Variants in ABI3BP observed in about 807,000 individuals in gnomAD.
ABI3BP encodes ABI family member 3 binding protein, also known as target of Nesh-SH3.
ABI3BP carries 216 observed loss-of-function variants against 268.6 expected under a neutral mutation model. That is an observed-to-expected ratio of 0.80 (90% CI 0.72 to 0.90). ABI3BP has a LOEUF of 0.90. ABI3BP is among the 40% of genes least tolerant of loss of function. ABI3BP has a pLI of 0.00. For synonymous variants in ABI3BP, 730 were observed against 730.0 expected, an observed-to-expected ratio of 1.00 and a Z score of 0.00; for missense variants, 2,090 against 2,182.4, an observed-to-expected ratio of 0.96 and a Z score of 0.84.
chr3:100,808,712 T>C (rs1013888318), intron 49 of ABI3BP, among the ~76,000 whole-genome samples: 2 of 152,162 alleles, frequency 1.3e-5, no homozygotes, highest in Middle Eastern at 3.4e-3. Context: ...AAACACAATT[T>C]TATTGGTTAT....
chr3:100,932,506 C>T (rs2063995698), intron 1 of ABI3BP, among the ~76,000 whole-genome samples: 1 of 151,528 alleles, frequency 6.6e-6, no homozygotes, highest in Non-Finnish European at 1.5e-5. Context: ...AGCAGAAAAA[C>T]CAAATAACCC....
intron 33 of ABI3BP, among the ~76,000 whole-genome samples, chr3:100,828,682 C>T (rs2152764705): frequency 6.6e-6 from 1 of 152,206 alleles, no homozygotes; most frequent in South Asian, 2.1e-4. Context: ...GATAACGGTC[C>T]ATGTGAAGTG....
intron 3 of ABI3BP, among the ~76,000 whole-genome samples, chr3:100,899,292 G>A (rs866662602): frequency 4.6e-5 from 7 of 152,140 alleles, no homozygotes; most frequent in Admixed American, 6.5e-5. Flanking sequence ...TAAAATGAAA[G>A]TATGTTTATT....
At chr3:100,850,953 A>G (rs1250937015) in intron 15 of ABI3BP, among the ~76,000 whole-genome samples, 1 of 152,222 alleles carries the variant, frequency 6.6e-6, no homozygotes, top group East Asian at 1.9e-4. Flanking sequence ...ATGATTAAAC[A>G]GTGTTTTATA....
intron 1 of ABI3BP, among the ~76,000 whole-genome samples, chr3:100,928,761 G>C (rs542908915): frequency 1.3e-5 from 2 of 152,106 alleles, no homozygotes; most frequent in Admixed American, 1.3e-4. Flanking sequence ...CGCCCAGCAC[G>C]TTAAAAGTGG....
chr3:100,788,765 G>A (rs1046773807), intron 56 of ABI3BP, among the ~76,000 whole-genome samples: 8 of 151,808 alleles, frequency 5.3e-5, no homozygotes, highest in Admixed American at 1.3e-4. Flanking sequence ...TGCATTCCCC[G>A]AGAACATTCA....
Position 100,902,636 on chromosome 3 carries a change from G to T in ABI3BP, c.310C>A (p.Gln104Lys), listed in dbSNP as rs2050985932. Residue 104 changes from glutamine to lysine, a missense_variant, in exon 3 of 68, where the codon CAA becomes AAA. Transcript: ENST00000471714. ...ACTATACCTGAACATGACTTCTTTT[G>T]ACTTGGAGGTGGAGCAGGTCGCACA... ...IVVRPAPPPS[Q>K]KKSCSGKTRS... 2 of 1,613,782 alleles carry T rather than the reference G, an allele frequency of 1.2e-6. No homozygotes were observed. Among genetic ancestry groups the T allele is most frequent in the Admixed American group, 3.3e-5 (2 of 59,994 alleles).
chr3:100,932,340 A>T (rs1445084539), intron 1 of ABI3BP, among the ~76,000 whole-genome samples: 1 of 152,112 alleles, frequency 6.6e-6, no homozygotes, highest in African/African-American at 2.4e-5. Flanking sequence ...AAAATGGAGA[A>T]GTGGGACTTA....
chr3:100,840,150 T>C lies in ABI3BP; in HGVS notation c.1819A>G (p.Lys607Glu), dbSNP rs977736570. The change falls in exon 23 of 68, where the codon AAA becomes GAA. Residue 607 changes from lysine (K) to glutamate (E), a missense_variant. Coordinates refer to ENST00000471714, the MANE Select transcript of ABI3BP (RefSeq NM_001375547.2). ...PSTTLAPRKT[K>E]RPGRRPRPRP... ...GGGCGGGGGCGACGACCTGGTCTTT[T>C]GGTCTTTCGTGGTGCTGAAGAAAGA... 1.3e-6 allele frequency: 2 copies of C among 1,532,394 alleles called. No individual in the cohort carries two copies. Among genetic ancestry groups the C allele is most frequent in the Non-Finnish European group, 1.7e-6 (2 of 1,145,322 alleles). The allele number at this position is 1,532,394 out of a possible 1,614,324, so 94.9% of individuals were successfully genotyped here.
chr3:100,784,721 G>A (rs181148461), intron 57 of ABI3BP, among the ~76,000 whole-genome samples: 352 of 152,208 alleles, frequency 2.3e-3, no homozygotes, highest in African/African-American at 7.2e-3. Context: ...ACATGATAAC[G>A]TCTTTTGCAG....
chr3:100,771,450 TA>T (rs1402975957), intron 61 of ABI3BP, among the ~76,000 whole-genome samples: 1 of 151,684 alleles, frequency 6.6e-6, no homozygotes, highest in Non-Finnish European at 1.5e-5. Flanking sequence ...TTACCTATAA[TA>T]AGGAGAAAAA....
intron 1 of ABI3BP, among the ~76,000 whole-genome samples, chr3:100,949,597 A>G (rs2074053503): frequency 6.6e-6 from 1 of 152,136 alleles, no homozygotes; most frequent in Non-Finnish European, 1.5e-5. Context: ...GAAATTTGGT[A>G]TTCGTTTTTG....
chr3:100,919,768 A>G (rs554534723), intron 2 of ABI3BP, among the ~76,000 whole-genome samples: 1 of 152,204 alleles, frequency 6.6e-6, no homozygotes, highest in Non-Finnish European at 1.5e-5. Flanking sequence ...CTTGCTAAAA[A>G]TTGCTTTATT....
Position 100,818,557 on chromosome 3 carries a change from C to A in ABI3BP, c.3056G>T (p.Gly1019Val). Reference sequence around the variant, plus strand: ...TTTTGGAGCTTCAGTTCTGAGAGTACCAGGTTCAAGATCTGTAGAAGGAAC... The same window carrying A: ...TTTTGGAGCTTCAGTTCTGAGAGTAACAGGTTCAAGATCTGTAGAAGGAAC... ...KLVPSTDLEP[G>V]TLRTEAPKTM... is the part of the protein sequence containing the mutation. The change falls in exon 41 of 68, where the codon GGT (glycine) becomes GTT (valine). Residue 1019 changes from glycine to valine, a missense_variant. Physicochemically the swap from Gly to Val is moderately radical, Grantham distance 109 (BLOSUM62 -3). Coordinates refer to ENST00000471714, the MANE Select transcript of ABI3BP (RefSeq NM_001375547.2). 6.5e-7 allele frequency: 1 copy of A among 1,535,388 alleles called. No homozygotes were observed. Among genetic ancestry groups the A allele is most frequent in the East Asian group, 2.4e-5 (1 of 40,862 alleles).
intron 19 of ABI3BP, 108 bp from the exon 20 acceptor site, chr3:100,846,554 A>C: frequency 1.4e-6 from 1 of 708,800 alleles, no homozygotes; most frequent in South Asian, 2.3e-5. Flanking sequence ...AAATGGAATG[A>C]ACTCATCGTC....
intron 7 of ABI3BP, 43 bp from the exon 8 acceptor site, chr3:100,875,622 G>A (rs1188406931): frequency 1.4e-6 from 2 of 1,385,500 alleles, no homozygotes; most frequent in East Asian, 2.3e-5. Flanking sequence ...TGGGAAATAG[G>A]AGGCAGTAAG....
intron 2 of ABI3BP, among the ~76,000 whole-genome samples, chr3:100,918,330 GTCCACCCA>G (rs1347730330): frequency 6.8e-6 from 1 of 148,114 alleles, no homozygotes; most frequent in South Asian, 2.2e-4. Context: ...CTGTCCACCC[GTCCACCCA>G]TCCACCCGTC....
chr3:100,829,151 A>AAGAAG (rs1553928841), intron 33 of ABI3BP, among the ~76,000 whole-genome samples: 3 of 151,564 alleles, frequency 2.0e-5, no homozygotes, highest in African/African-American at 7.3e-5. Flanking sequence ...AAAAAAAAAA[A>AAGAAG]AAGAAGAAGA....
intron 1 of ABI3BP, among the ~76,000 whole-genome samples, chr3:100,966,317 CTT>C (rs749075309): frequency 6.6e-6 from 1 of 152,218 alleles, no homozygotes; most frequent in African/African-American, 2.4e-5. Flanking sequence ...CTTTTGCCAA[CTT>C]TTCTCTGGTG....
Sources: allele counts gnomAD v4.1 joint callset (sites outside exome capture counted in the v4.1 genomes callset), GRCh38; gene constraint gnomAD v4.1.1; transcripts MANE v1.5; gene names NCBI Gene and HGNC (gene_info 2026-07-23, HGNC 2026-07-21).